GABRA6: variants seen among roughly 807,000 people sequenced by gnomAD.
GABRA6 encodes the protein gamma-aminobutyric acid type A receptor subunit alpha6, also known as gamma-aminobutyric acid receptor subunit alpha-6.
A neutral mutation model predicts 47.3 loss-of-function variants in GABRA6; 45 were observed. The observed-to-expected ratio is 0.95, with a 90% confidence interval of 0.75 to 1.22. The LOEUF (loss-of-function observed/expected upper bound fraction) is 1.22. Ranked by LOEUF, GABRA6 falls within the 50% of genes most tolerant of loss-of-function variation. The pLI is 0.00. For synonymous variants in GABRA6, 219 were observed against 194.7 expected, an observed-to-expected ratio of 1.12 and a Z score of -1.04; for missense variants, 583 against 549.3, an observed-to-expected ratio of 1.06 and a Z score of -0.61.
At position 161,689,797 on chromosome 5, in the gene GABRA6, G is replaced by C. The variant is rs1754762077; in HGVS notation, c.673+18G>C. On this transcript the variant is annotated intron_variant, in intron 6 of 8. Coordinates refer to ENST00000274545, the MANE Select transcript of GABRA6 (RefSeq NM_000811.3). ...TAACACAGGTAAGAATTTGACCAAA[G>C]GATGGAAATAATCCCTCAGGATGAC... 1.2e-6 allele frequency: 2 copies of C among 1,608,236 alleles called. No individual in the cohort carries two copies. The highest frequency in any genetic ancestry group is 1.7e-5 in the Admixed American group (1 of 59,984).
At chr5:161,696,705 C>T (rs1754892162) in intron 8 of GABRA6, among the ~76,000 whole-genome samples, 1 of 152,142 alleles carries the variant, frequency 6.6e-6, no homozygotes, top group South Asian at 2.1e-4. Flanking sequence ...AGCTGTGTGT[C>T]TGTAGAAATT....
chr5:161,692,237 GA>G (rs751085820), intron 8 of GABRA6, 37 bp downstream of exon 8: 1 of 1,613,568 alleles, frequency 6.2e-7, no homozygotes, highest in African/African-American at 1.3e-5. Flanking sequence ...CCTACCGTAG[GA>G]AAAAGCAGCC....
At chr5:161,687,528 A>G (rs1177484978) in intron 3 of GABRA6, 1 of 456,056 alleles carries the variant, frequency 2.2e-6, no homozygotes, top group East Asian at 6.9e-5. Context: ...TTCCAGGTAC[A>G]GATGGCTGTA....
rs139200120 is a variant in GABRA6 at position 161,693,062 on chromosome 5, A to C, written c.1086+862A>C. On this transcript the variant is annotated intron_variant, in intron 8 of 8. Transcript: ENST00000274545. The stretch of plus-strand genomic sequence containing the variant: ...AGAAGAGGAATGTTTTGCTCTGTGA[A>C]TTCAAGTAAGGCAGACACTTTGAAC... 1.1e-3 allele frequency among the ~76,000 whole-genome samples: 170 copies of C among 152,316 alleles called. 1 individual carries two copies. The highest frequency in any genetic ancestry group is 3.8e-3 in the African/African-American group (158 of 41,582).
At chr5:161,697,988 C>T (rs969626564) in intron 8 of GABRA6, among the ~76,000 whole-genome samples, 3 of 152,058 alleles carry the variant, frequency 2.0e-5, no homozygotes, top group African/African-American at 4.8e-5. Flanking sequence ...CATTTAGAAC[C>T]GGTACTTATA....
In GABRA6 at chr5:161,701,555, G is replaced by C; in HGVS notation, c.1144G>C (p.Val382Leu). The change falls in exon 9 of 9, where the codon GTT becomes CTT. Residue 382 changes from valine (V) to leucine (L), a missense_variant. Transcript: ENST00000274545. Reference sequence around the variant, plus strand: ...GATCACTTCTCTGTCTTTGCCAATAGTTTCATCTTCCGAGGCCAATAAAGT... The same window carrying C: ...GATCACTTCTCTGTCTTTGCCAATACTTTCATCTTCCGAGGCCAATAAAGT... The part of the protein sequence containing the change: ...KRITSLSLPI[V>L]SSSEANKVLT... The C allele has an allele frequency of 6.2e-7, 1 of 1,614,138 alleles. No homozygotes were observed. The highest frequency in any genetic ancestry group is 2.2e-5 in the East Asian group (1 of 44,874).
In GABRA6 at chr5:161,701,511, A is replaced by G; in HGVS notation, c.1100A>G (p.Lys367Arg). 6.2e-7 allele frequency: 1 copy of G among 1,614,166 alleles called. No homozygotes were observed. The highest frequency in any genetic ancestry group is 8.5e-7 in the Non-Finnish European group (1 of 1,180,026). ...EAEIVLHPDS[K>R]YHLKKRITSL... ...TTTTTTCCACAGCATCCTGACTCCA[A>G]ATATCATCTGAAGAAAAGGATCACT... The change falls in exon 9 of 9, where the codon AAA (lysine) becomes AGA (arginine). Residue 367 changes from lysine to arginine, a missense_variant. Coordinates refer to ENST00000274545, the MANE Select transcript of GABRA6 (RefSeq NM_000811.3).
chr5:161,686,870 A>G, intron 2 of GABRA6, 66 bp from the exon 3 acceptor site: 1 of 1,343,868 alleles, frequency 7.4e-7, no homozygotes, highest in Non-Finnish European at 1.1e-6. Context: ...TTGGTGGTAG[A>G]GGGCTGAGAT....
intron 8 of GABRA6, among the ~76,000 whole-genome samples, chr5:161,693,862 A>G (rs1754844929): frequency 6.6e-6 from 1 of 152,156 alleles, no homozygotes; most frequent in Non-Finnish European, 1.5e-5. Flanking sequence ...AGAACCTTTG[A>G]AATCCACAAT....
chr5:161,691,699 C>A (rs1754794343), intron 7 of GABRA6, among the ~76,000 whole-genome samples: 1 of 151,914 alleles, frequency 6.6e-6, no homozygotes, highest in Non-Finnish European at 1.5e-5. Flanking sequence ...ATAACTAGTT[C>A]AATTCAGCAA....
At chr5:161,690,160 C>G in intron 6 of GABRA6, 41 bp from the exon 7 acceptor site, 1 of 1,583,386 alleles carries the variant, frequency 6.3e-7, no homozygotes, top group Non-Finnish European at 8.7e-7. Context: ...TTTTTGCAGA[C>G]TGTCAGCAGT....
intron 8 of GABRA6, among the ~76,000 whole-genome samples, chr5:161,695,326 CT>C (rs1490832647): frequency 2.6e-5 from 4 of 152,184 alleles, no homozygotes; most frequent in Non-Finnish European, 5.9e-5. Flanking sequence ...AATTATCTTT[CT>C]GTTTTTAAGA....
intron 8 of GABRA6, among the ~76,000 whole-genome samples, chr5:161,701,017 G>C (rs1411237874): frequency 6.6e-6 from 1 of 152,112 alleles, no homozygotes; most frequent in African/African-American, 2.4e-5. Context: ...TGAGAATGTA[G>C]GCTGGGAATG....
chr5:161,691,884 A>T, intron 7 of GABRA6, 57 bp from the exon 8 acceptor site: 1 of 1,520,316 alleles, frequency 6.6e-7, no homozygotes. Context: ...TTCTCATTTG[A>T]TTTTGCCATA....
At chr5:161,687,683 C>A in intron 3 of GABRA6, 1 of 270,676 alleles carries the variant, frequency 3.7e-6, no homozygotes, top group Non-Finnish European at 7.5e-6. Context: ...CTGAAGTAAA[C>A]ATAACTGTCT....
chr5:161,691,286 T>TC (rs1299736775), intron 7 of GABRA6, among the ~76,000 whole-genome samples: 31 of 138,526 alleles, frequency 2.2e-4, no homozygotes, highest in African/African-American at 7.2e-4. Context: ...TCTTTTTCTT[T>TC]CCTTTTTTTT....
Position 161,686,340 on chromosome 5 carries a change from G to A in GABRA6, c.149G>A (p.Gly50Glu). 1 of 1,612,558 alleles carries A rather than the reference G, an allele frequency of 6.2e-7. No individual in the cohort carries two copies. Among genetic ancestry groups the A allele is most frequent in the Non-Finnish European group, 8.5e-7 (1 of 1,178,550 alleles). The change falls in exon 2 of 9, where the codon GGA becomes GAA. Residue 50 changes from glycine to glutamate, a missense_variant. By Grantham distance (98) the Gly-to-Glu change is moderately conservative. Coordinates refer to ENST00000274545, the MANE Select transcript of GABRA6 (RefSeq NM_000811.3). ...LEGYDNRLRP[G>E]FGGAVTEVKT... ...GGCTATGACAATCGGCTGCGGCCGGGATTTGGAGGTAAGAAGCTGCATCTT... is the reference window on the plus strand; with the variant it reads ...GGCTATGACAATCGGCTGCGGCCGGAATTTGGAGGTAAGAAGCTGCATCTT...
chr5:161,694,018 G>A (rs965798982), intron 8 of GABRA6, among the ~76,000 whole-genome samples: 1 of 152,214 alleles, frequency 6.6e-6, no homozygotes, highest in African/African-American at 2.4e-5. Context: ...TTATGTATCT[G>A]TAGTTTGAAA....
chr5:161,690,091 T>A, intron 6 of GABRA6, 110 bp from the exon 7 acceptor site: 1 of 1,031,316 alleles, frequency 9.7e-7, no homozygotes, highest in East Asian at 2.4e-5. Context: ...TACCTTTGCT[T>A]GTTTTCTTCC....
Sources: gnomAD v4.1 joint callset for allele counts (sites outside exome capture counted in the v4.1 genomes callset) on GRCh38, gnomAD v4.1.1 for gene constraint, MANE v1.5 for transcripts, NCBI Gene and HGNC (gene_info 2026-07-23, HGNC 2026-07-21) for gene names.